SEPTIN8: variants seen among roughly 807,000 people sequenced by gnomAD.
The protein encoded by SEPTIN8 is septin 8.
A neutral mutation model predicts 53.1 loss-of-function variants in SEPTIN8; 22 were observed. The observed-to-expected ratio is 0.41, with a 90% CI of 0.30 to 0.59. SEPTIN8 has a LOEUF of 0.59. SEPTIN8 is among the 20% of genes least tolerant of loss of function. SEPTIN8 has a pLI of 0.24. For missense variants in SEPTIN8, 536 were observed against 638.7 expected (o/e 0.84, Z 1.73); for synonymous variants, 228 against 248.4 (o/e 0.92, Z 0.77).
rs1024951168 is a variant in SEPTIN8, at chr5:132,761,441, C to A, written c.962+17G>T. The A allele has an allele frequency of 4.4e-6, 7 of 1,603,582 alleles. No individual in the cohort carries two copies. Among genetic ancestry groups the A allele is most frequent in the Non-Finnish European group, 6.0e-6 (7 of 1,175,924 alleles). The stretch of plus-strand genomic sequence containing the variant: ...CCACAGCTGTGAAGACAGGCTCACT[C>A]TGGCTCAGGCTGTCACCTGAAGGGC... On this transcript the variant is annotated intron_variant, in intron 7 of 9. Transcript: ENST00000378719. This position sits in a 1 kb window ranked among gnomAD's most constrained non-coding sequence, Gnocchi z 5.8.
At chr5:132,758,912 G>T in intron 9 of SEPTIN8, 1 of 1,238,188 alleles carries the variant, frequency 8.1e-7, no homozygotes, top group Non-Finnish European at 1.2e-6. Flanking sequence ...AAGACAGCAA[G>T]ATGGACACCG....
chr5:132,771,290 C>T (rs1757294115), intron 1 of SEPTIN8, among the ~76,000 whole-genome samples: 1 of 152,150 alleles, frequency 6.6e-6, no homozygotes, highest in African/African-American at 2.4e-5. Flanking sequence ...CCAACAGAGC[C>T]GGGGAAGCTG....
chr5:132,776,963 C>T lies in SEPTIN8; in HGVS notation c.30+145G>A. The T allele has an allele frequency of 2.5e-6, 1 of 405,544 alleles. No homozygotes were observed. The highest frequency in any genetic ancestry group is 5.4e-5 in the Admixed American group (1 of 18,530). The allele number at this position is 405,544 out of a possible 1,614,324, so 25.1% of individuals were successfully genotyped here. ...ACCCCCCGATAGCGCGGCCGAGAGC[C>T]CGCGCCGGGGTCCTCGAGCTGGCCC... On this transcript the variant is annotated intron_variant, in intron 1 of 9. Coordinates refer to ENST00000378719, the MANE Select transcript of SEPTIN8 (RefSeq NM_001098811.2). This position sits in a 1 kb window ranked among gnomAD's most constrained non-coding sequence, Gnocchi z 4.4.
intron 9 of SEPTIN8, chr5:132,757,191 G>T: frequency 1.0e-6 from 1 of 977,450 alleles, no homozygotes; most frequent in Non-Finnish European, 1.2e-6. Context: ...TTTTCTTAAA[G>T]AAGTCTTTCT....
At chr5:132,756,176 C>T (rs1267981634) in intron 9 of SEPTIN8, 24 of 985,252 alleles carry the variant, frequency 2.4e-5, no homozygotes, top group Admixed American at 6.2e-5. Flanking sequence ...ATCCATGAGC[C>T]CCACTTAACA....
Position 132,751,910 on chromosome 5 carries a change from T to G in SEPTIN8, c.*106A>C. On this transcript the variant is annotated 3_prime_UTR_variant, in exon 10 of 10. Coordinates refer to ENST00000378719, the MANE Select transcript of SEPTIN8 (RefSeq NM_001098811.2). ...TTAAATTGTTTGCACTTTTGATCAT[T>G]GATATAGGAAAAGTATGGCGTTTTC... 3 of 1,536,072 alleles carry G rather than the reference T, an allele frequency of 2.0e-6. No individual in the cohort carries two copies. The highest frequency in any genetic ancestry group is 1.8e-6 in the Non-Finnish European group (2 of 1,134,500).
At chr5:132,777,461 G>A (rs936425057), upstream of SEPTIN8, 21 of 986,600 alleles carry the variant, frequency 2.1e-5, no homozygotes, top group Middle Eastern at 1.0e-3. This position sits in a 1 kb window ranked among gnomAD's most constrained non-coding sequence, Gnocchi z 4.1. Context: ...TTGGGGGACC[G>A]GGACGGCAGT....
rs903408898 is a variant in SEPTIN8, at chr5:132,756,239, A to G, written c.1287-4058T>C. 8 of 985,342 alleles carry G rather than the reference A, an allele frequency of 8.1e-6. No individual in the cohort carries two copies. The African/African-American group carries it at 1.4e-4, about 17-fold the overall frequency. The allele number at this position is 985,342 out of a possible 1,614,324, so 61.0% of individuals were successfully genotyped here. A position where few individuals can be genotyped will look rare whatever the true frequency, so the allele number is the denominator to read the frequency against. ...CATATGCAGTCAGTAATGCACAATT[A>G]CAAACCACCTAGATCAGGGTACCCA... On this transcript the variant is annotated intron_variant, in intron 9 of 9. Transcript: ENST00000378719.
chr5:132,761,932 T>C lies in SEPTIN8; in HGVS notation c.697-36A>G, dbSNP rs1210838838. The stretch of plus-strand genomic sequence containing the variant: ...GCCCGGGTATGCGTAAGCCCTGAGC[T>C]GACACAGACTAATGGCAGACTCTCC... On this transcript the variant is annotated intron_variant, in intron 5 of 9. Coordinates refer to ENST00000378719, the MANE Select transcript of SEPTIN8 (RefSeq NM_001098811.2). The surrounding 1 kb of genome is among the most constrained non-coding windows in gnomAD (Gnocchi z 5.8). 2.0e-6 allele frequency: 3 copies of C among 1,530,944 alleles called. No individual in the cohort carries two copies. Among genetic ancestry groups the C allele is most frequent in the Middle Eastern group, 1.7e-4 (1 of 5,904 alleles). 94.8% of individuals were successfully genotyped at this position (1,530,944 alleles called of 1,614,324 possible).
rs377374849 is a variant in SEPTIN8, at chr5:132,761,004, A to T, written c.1096-12T>A. The stretch of plus-strand genomic sequence containing the variant: ...AACTTCTCATGGAGCTGGCATCAGA[A>T]AGGGGGCAGAAGATGCGGGGAGCAA... On this transcript the variant is annotated splice_polypyrimidine_tract_variant and intron_variant, in intron 8 of 9. Transcript: ENST00000378719. The surrounding 1 kb of genome is among the most constrained non-coding windows in gnomAD (Gnocchi z 5.8). The T allele has an allele frequency of 1.3e-6, 2 of 1,580,484 alleles. No homozygotes were observed. Among genetic ancestry groups the T allele is most frequent in the East Asian group, 4.5e-5 (2 of 44,642 alleles).
chr5:132,764,179 TG>T (rs1756323606), intron 3 of SEPTIN8, 44 bp downstream of exon 3: 2 of 1,559,964 alleles, frequency 1.3e-6, no homozygotes, highest in South Asian at 1.2e-5. Flanking sequence ...CCAATGTAGG[TG>T]GGGTGGGAGG....
At chr5:132,756,119 G>C (rs1755315249) in intron 9 of SEPTIN8, 2 of 985,424 alleles carry the variant, frequency 2.0e-6, no homozygotes, top group Non-Finnish European at 2.4e-6. Flanking sequence ...TTTTAGAAAA[G>C]CATGTTAACG....
At chr5:132,762,717 G>A in intron 4 of SEPTIN8, 72 bp from the exon 5 acceptor site, 1 of 1,519,372 alleles carries the variant, frequency 6.6e-7, no homozygotes, top group Non-Finnish European at 9.1e-7. Context: ...CCATGCCCAG[G>A]ATATGGATAG....
At chr5:132,777,259 C>G, upstream of SEPTIN8, 1 of 1,129,704 alleles carries the variant, frequency 8.9e-7, no homozygotes, top group African/African-American at 1.6e-5. This position sits in a 1 kb window ranked among gnomAD's most constrained non-coding sequence, Gnocchi z 4.1. Context: ...ATGGCCACTT[C>G]CTGGAAACTC....
chr5:132,758,395 ATGTATACCAGACCACGCAGC>A (rs1198390838), intron 9 of SEPTIN8: 7 of 1,511,772 alleles, frequency 4.6e-6, no homozygotes, highest in Non-Finnish European at 6.2e-6. Flanking sequence ...ATTTTGCAGC[ATGTATACCAGACCACGCAGC>A]TGCACCTAGG....
chr5:132,764,095 C>A (rs1756308353), intron 3 of SEPTIN8, 129 bp downstream of exon 3: 23 of 1,072,538 alleles, frequency 2.1e-5, no homozygotes, highest in Non-Finnish European at 3.1e-5. Context: ...TTGGTGACCA[C>A]AGAGCCTCAG....
intron 1 of SEPTIN8, among the ~76,000 whole-genome samples, chr5:132,771,471 T>C (rs1002691857): frequency 6.6e-6 from 1 of 152,132 alleles, no homozygotes; most frequent in African/African-American, 2.4e-5. Context: ...TTTGGATGCT[T>C]TTCTTCCTCT....
upstream of SEPTIN8, chr5:132,777,337 C>G (rs1439769644): frequency 1.9e-6 from 2 of 1,058,182 alleles, no homozygotes; most frequent in Middle Eastern, 4.3e-4. The surrounding 1 kb of genome is among the most constrained non-coding windows in gnomAD (Gnocchi z 4.1). Context: ...CCGGCCTCCC[C>G]GCCCGGCCCG....
intron 9 of SEPTIN8, among the ~76,000 whole-genome samples, chr5:132,754,691 G>A (rs184296701): frequency 2.6e-5 from 4 of 152,280 alleles, no homozygotes; most frequent in African/African-American, 9.6e-5. Flanking sequence ...CAAGCTTGCC[G>A]TGGGGCCCCA....
Sources: gnomAD v4.1 joint callset for allele counts (sites outside exome capture counted in the v4.1 genomes callset) on GRCh38, gnomAD v4.1.1 for gene constraint, Gnocchi (gnomAD v3.1) non-coding constraint, MANE v1.5 for transcripts, NCBI Gene and HGNC (gene_info 2026-07-23, HGNC 2026-07-21) for gene names.